Variants in TGM3 observed in about 807,000 individuals in gnomAD.
The protein encoded by TGM3 is protein-glutamine gamma-glutamyltransferase E.
A neutral mutation model predicts 73.8 loss-of-function variants in TGM3; 52 were observed. The ratio of observed to expected loss-of-function variants is 0.70; its 90% CI spans 0.56 to 0.89. The LOEUF (loss-of-function observed/expected upper bound fraction) is 0.89, where lower values mean the gene tolerates loss of function less well. Among genes scored for constraint, TGM3 ranks in the 40% least tolerant of loss-of-function variants. The pLI is 0.00. For synonymous variants in TGM3, 372 were observed against 354.9 expected (o/e 1.05, Z -0.54); for missense variants, 928 against 909.9 (o/e 1.02, Z -0.26).
intron 1 of TGM3, among the ~76,000 whole-genome samples, chr20:2,307,305 C>T (rs974777414): frequency 6.6e-6 from 1 of 152,078 alleles, no homozygotes; most frequent in African/African-American, 2.4e-5. Flanking sequence ...CCCTCTGCCC[C>T]ATCTCCAGTG....
intron 12 of TGM3, 47 bp downstream of exon 12, chr20:2,340,034 GGGGGGGCCCTCCAGATCCCCT>G: frequency 1.4e-6 from 2 of 1,436,688 alleles, no homozygotes; most frequent in Non-Finnish European, 9.5e-7. Flanking sequence ...GGGAGGGGGC[GGGGGGGCCCTCCAGATCCCCT>G]GGGTGGGACA....
chr20:2,337,777 A>G (rs1350746803), intron 11 of TGM3, among the ~76,000 whole-genome samples: 2 of 152,032 alleles, frequency 1.3e-5, no homozygotes, highest in Non-Finnish European at 1.5e-5. Context: ...CCCTTATCCA[A>G]TGTCCTCAAA....
Position 2,339,920 on chromosome 20 carries a change from G to A in TGM3, c.1867G>A (p.Glu623Lys), listed in dbSNP as rs149624760. The A allele has an allele frequency of 3.1e-6, 5 of 1,614,040 alleles. No homozygotes were observed. Among genetic ancestry groups the A allele is most frequent in the Non-Finnish European group, 4.2e-6 (5 of 1,179,998 alleles). ...VQMLFSNPLDEPVRDCVLMVE... is the reference protein window; with the variant it reads ...VQMLFSNPLDKPVRDCVLMVE... The stretch of plus-strand genomic sequence containing the variant: ...GATGCTCTTCTCCAATCCACTGGAT[G>A]AGCCGGTGAGGGACTGCGTGCTGAT... The change falls in exon 12 of 13, where the codon GAG (glutamate) becomes AAG (lysine). Residue 623 changes from glutamate to lysine, a missense_variant. By Grantham distance (56) the Glu-to-Lys change is moderately conservative. Coordinates refer to ENST00000381458, the MANE Select transcript of TGM3 (RefSeq NM_003245.4).
chr20:2,312,880 T>C lies in TGM3; in HGVS notation c.541-18T>C, dbSNP rs1200422979. 1 of 1,613,962 alleles carries C rather than the reference T, an allele frequency of 6.2e-7. No homozygotes were observed. The highest frequency in any genetic ancestry group is 1.7e-5 in the Admixed American group (1 of 60,028). The stretch of plus-strand genomic sequence containing the variant: ...TTGTCATTTCTTTAATTGTAATGTA[T>C]GGTCTCGTTCTGAACAGTTTGAAGA... On this transcript the variant is annotated intron_variant, in intron 4 of 12. Transcript: ENST00000381458.
At chr20:2,324,122 CTCTT>C (rs1413368961) in intron 7 of TGM3, among the ~76,000 whole-genome samples, 2 of 152,094 alleles carry the variant, frequency 1.3e-5, no homozygotes, top group African/African-American at 2.4e-5. Flanking sequence ...AATTTATTGA[CTCTT>C]TCCTCTGTCA....
At position 2,334,997 on chromosome 20, in the gene TGM3, G is replaced by A. The variant is rs2084341104; in HGVS notation, c.1643-119G>A. 7.6e-7 allele frequency: 1 copy of A among 1,321,270 alleles called. No homozygotes were observed. The highest frequency in any genetic ancestry group is 1.1e-6 in the Non-Finnish European group (1 of 945,344). 81.8% of individuals were successfully genotyped at this position (1,321,270 alleles called of 1,614,324 possible). On this transcript the variant is annotated intron_variant, in intron 10 of 12. Coordinates refer to ENST00000381458, the MANE Select transcript of TGM3 (RefSeq NM_003245.4). This position sits in a 1 kb window ranked among gnomAD's most constrained non-coding sequence, Gnocchi z 4.0. ...CCTGGCCCAAGGAGGGCTCAGTCAA[G>A]CCCGGGGCTGCAGATCCTCCCACCA... is the stretch of plus-strand genomic sequence containing the variant.
In TGM3 at chr20:2,340,855, T is replaced by G; in HGVS notation, c.*274T>G. 3 of 572,706 alleles carry G rather than the reference T, an allele frequency of 5.2e-6. No homozygotes were observed. The highest frequency in any genetic ancestry group is 2.2e-5 in the Admixed American group (1 of 45,786). The allele number at this position is 572,706 out of a possible 1,614,324, so 35.5% of individuals were successfully genotyped here. On this transcript the variant is annotated 3_prime_UTR_variant, in exon 13 of 13. Transcript: ENST00000381458. ...TCTGTGAGCCCCACAGCCCTGCTCATTCCTCACGCCCTTCAATGCTGCAGG... is the reference window on the plus strand; with the variant it reads ...TCTGTGAGCCCCACAGCCCTGCTCAGTCCTCACGCCCTTCAATGCTGCAGG...
chr20:2,316,460 G>A (rs1029297543), intron 5 of TGM3, among the ~76,000 whole-genome samples: 20 of 152,014 alleles, frequency 1.3e-4, no homozygotes, highest in Non-Finnish European at 2.6e-4. Context: ...TACTCAGGAG[G>A]CTGAGCCAGG....
At chr20:2,300,837 T>C (rs1481742102) in intron 1 of TGM3, among the ~76,000 whole-genome samples, 9 of 152,170 alleles carry the variant, frequency 5.9e-5, no homozygotes. Context: ...TGGGTTGTTT[T>C]TGCCATTACA....
chr20:2,340,329 G>T, intron 12 of TGM3, 105 bp from the exon 13 acceptor site: 1 of 1,501,906 alleles, frequency 6.7e-7, no homozygotes, highest in Non-Finnish European at 9.0e-7. Flanking sequence ...AGAAGCAGTG[G>T]CCTTGCCCAG....
chr20:2,324,218 C>CT (rs546210782), intron 7 of TGM3, among the ~76,000 whole-genome samples: 204 of 152,066 alleles, frequency 1.3e-3, no homozygotes, highest in African/African-American at 4.4e-3. Flanking sequence ...CCATTTGGTT[C>CT]TTTTTTTCAT....
At chr20:2,301,145 A>T (rs1297289515) in intron 1 of TGM3, among the ~76,000 whole-genome samples, 2 of 151,864 alleles carry the variant, frequency 1.3e-5, no homozygotes, top group Non-Finnish European at 2.9e-5. Flanking sequence ...ATGTCATGAT[A>T]TGTGGGGGAA....
rs1470699120 is a variant in TGM3, at chr20:2,325,968, G to A, written c.1087+16G>A. 6 of 1,578,248 alleles carry A rather than the reference G, an allele frequency of 3.8e-6. No individual in the cohort carries two copies. The Middle Eastern group carries it at 6.6e-4, about 175-fold the overall frequency. ...AGAAGCCAAGGTAACTTCTCTGGGT[G>A]TGGTTCTGAGTCGTGAGCCTCACAG... On this transcript the variant is annotated intron_variant, in intron 8 of 12. Transcript: ENST00000381458.
In TGM3 at chr20:2,326,806, G is replaced by T. The variant is rs375599222; in HGVS notation, c.1087+854G>T. ...AGGTAAAGCCGTGAGCCGAGATCAT[G>T]CCGTGGCACTCCGGCCTGGGAGACA... On this transcript the variant is annotated intron_variant, in intron 8 of 12. Transcript: ENST00000381458. 7.2e-5 allele frequency among the ~76,000 whole-genome samples: 11 copies of T among 152,108 alleles called. No homozygotes were observed. The East Asian group carries it at 9.7e-4, about 13-fold the overall frequency.
chr20:2,300,217 GAAGA>G (rs1244109974), intron 1 of TGM3, among the ~76,000 whole-genome samples: 6 of 117,722 alleles, frequency 5.1e-5, no homozygotes, highest in South Asian at 3.3e-4. Flanking sequence ...GAAAGAAAGA[GAAGA>G]AAGAAAGAAA....
At position 2,310,497 on chromosome 20, in the gene TGM3, G is replaced by T; in HGVS notation, c.421+80G>T. On this transcript the variant is annotated intron_variant, in intron 3 of 12. Coordinates refer to ENST00000381458, the MANE Select transcript of TGM3 (RefSeq NM_003245.4). ...GGGGATGGGGGAAATGATCTTCACA[G>T]GCTCAAGTTTGATTAGGGAAAGTCC... 13 of 1,562,826 alleles carry T rather than the reference G, an allele frequency of 8.3e-6. No homozygotes were observed. The South Asian group carries it at 1.6e-4, about 19-fold the overall frequency.
intron 1 of TGM3, among the ~76,000 whole-genome samples, chr20:2,305,970 C>T (rs2084174683): frequency 6.6e-6 from 1 of 152,200 alleles, no homozygotes; most frequent in African/African-American, 2.4e-5. Flanking sequence ...CCAGGTCTGA[C>T]CTAGTGTGGC....
In TGM3 at chr20:2,309,568, C is replaced by A. The variant is rs1600694369; in HGVS notation, c.8-89C>A. ...GGCTCTGCCCTTGACAAGCCTCACC[C>A]CAAAGCTGCTCTTTGGTAACTTACA... is the stretch of plus-strand genomic sequence containing the variant. On this transcript the variant is annotated intron_variant, in intron 1 of 12. Transcript: ENST00000381458. 3.5e-6 allele frequency: 5 copies of A among 1,426,528 alleles called. No individual in the cohort carries two copies. In the East Asian group the frequency reaches 1.1e-4, roughly 33 times the overall value. The allele number at this position is 1,426,528 out of a possible 1,614,324, so 88.4% of individuals were successfully genotyped here.
At chr20:2,309,566 C>T (rs1009560066) in intron 1 of TGM3, 91 bp from the exon 2 acceptor site, 9 of 1,387,528 alleles carry the variant, frequency 6.5e-6, no homozygotes, top group Non-Finnish European at 9.0e-6. Context: ...ACAAGCCTCA[C>T]CCCAAAGCTG....
Sources: gnomAD v4.1 joint callset for allele counts (sites outside exome capture counted in the v4.1 genomes callset) on GRCh38, gnomAD v4.1.1 for gene constraint, Gnocchi (gnomAD v3.1) non-coding constraint, MANE v1.5 for transcripts, NCBI Gene and HGNC (gene_info 2026-07-23, HGNC 2026-07-21) for gene names.